The following NAV3 variants were observed in gnomAD, a reference collection of about 807,000 sequenced individuals.
NAV3 encodes the protein pore membrane and/or filament interacting like protein 1.
Under a neutral mutation model 244.7 loss-of-function variants are expected in NAV3, and 87 were observed. That is an observed-to-expected ratio of 0.36 (90% CI 0.30 to 0.42). The LOEUF (loss-of-function observed/expected upper bound fraction) is 0.42, where lower values mean the gene tolerates loss of function less well. Among genes scored for constraint, NAV3 ranks in the 20% least tolerant of loss-of-function variants. The pLI is 1.00. For missense variants in NAV3, 2,663 were observed against 2,893.3 expected, an observed-to-expected ratio of 0.92 and a Z score of 1.83; for synonymous variants, 1,126 against 1,042.2, an observed-to-expected ratio of 1.08 and a Z score of -1.55.
At chr12:77,780,644 C>A (rs1463503337) in intron 2 of NAV3, among the ~76,000 whole-genome samples, 1 of 152,142 alleles carries the variant, frequency 6.6e-6, no homozygotes, top group African/African-American at 2.4e-5. Context: ...GGGTCCCCAA[C>A]CCCCAACAGG....
intron 2 of NAV3, among the ~76,000 whole-genome samples, chr12:77,693,492 A>G (rs1875131739): frequency 6.6e-6 from 1 of 152,040 alleles, no homozygotes; most frequent in Non-Finnish European, 1.5e-5. Context: ...CATGCCAACC[A>G]TGGAATTGCT....
At chr12:77,752,376 C>A (rs556888652) in intron 2 of NAV3, among the ~76,000 whole-genome samples, 30 of 152,238 alleles carry the variant, frequency 2.0e-4, no homozygotes, top group Admixed American at 3.3e-4. Flanking sequence ...CAACTACTAC[C>A]TGAATGTACA....
At position 78,190,187 on chromosome 12, in the gene NAV3, G is replaced by A. The variant is rs1182220907; in HGVS notation, c.6259G>A (p.Ala2087Thr). 1.9e-6 allele frequency: 3 copies of A among 1,612,446 alleles called. No individual in the cohort carries two copies. In the South Asian group the frequency reaches 3.3e-5, roughly 18 times the overall value. Residue 2087 changes from alanine to threonine, a missense_variant, in exon 34 of 40, where the codon GCC becomes ACC. Physicochemically the swap from Ala to Thr is moderately conservative, Grantham distance 58. Coordinates refer to ENST00000397909, the MANE Select transcript of NAV3 (RefSeq NM_001024383.2). ...SGRKKTEDAI[A>T]TFNVDHKSSK... is the part of the protein sequence containing the mutation. ...AAGGAAAAAAACAGAGGATGCAATTGCCACTTTTAATGTGGACCACAAGTC... is the reference window on the plus strand; with the variant it reads ...AAGGAAAAAAACAGAGGATGCAATTACCACTTTTAATGTGGACCACAAGTC...
At chr12:77,616,841 A>G (rs1871161687) in intron 2 of NAV3, among the ~76,000 whole-genome samples, 1 of 152,186 alleles carries the variant, frequency 6.6e-6, no homozygotes, top group African/African-American at 2.4e-5. Flanking sequence ...GATATTCTGC[A>G]GAAAATCTCA....
At chr12:78,050,573 C>T (rs992782369) in intron 10 of NAV3, among the ~76,000 whole-genome samples, 191 bp from the exon 11 acceptor site, 2 of 152,098 alleles carry the variant, frequency 1.3e-5, no homozygotes, top group African/African-American at 4.8e-5. Flanking sequence ...CTTTTGAAAA[C>T]AAACGAAAAG....
At chr12:78,041,910 A>G (rs190049573) in intron 9 of NAV3, among the ~76,000 whole-genome samples, 2 of 152,212 alleles carry the variant, frequency 1.3e-5, no homozygotes, top group Admixed American at 6.5e-5. Context: ...GTAATTTAAT[A>G]CATGCTATTT....
rs182414850 is a variant in NAV3, at chr12:77,929,598, G to A, written c.244-10721G>A. Among the ~76,000 whole-genome samples, 118 of 151,400 alleles carry A rather than the reference G, an allele frequency of 7.8e-4. 3 individuals carry two copies. The South Asian group carries it at 0.021, about 28-fold the overall frequency. On this transcript the variant is annotated intron_variant, in intron 1 of 39. Coordinates refer to ENST00000397909, the MANE Select transcript of NAV3 (RefSeq NM_001024383.2). ...CTGTATCCCTACCTCATCATCTTTC[G>A]CTCAGACTCTTTTTATAACCTTATT...
chr12:78,095,045 T>TTATA (rs368659738), intron 12 of NAV3, among the ~76,000 whole-genome samples: 15,450 of 123,362 alleles, frequency 0.13, 1,079 homozygotes, highest in Non-Finnish European at 0.15. Flanking sequence ...CCATATCAAA[T>TTATA]TATATATATA....
intron 5 of NAV3, among the ~76,000 whole-genome samples, chr12:77,969,077 A>T (rs1355442467): frequency 6.6e-6 from 1 of 151,820 alleles, no homozygotes; most frequent in African/African-American, 2.4e-5. Context: ...TGATTAATTA[A>T]GTCTGTCAGA....
In NAV3 at chr12:77,751,204, G is replaced by C. The variant is rs541519612; in HGVS notation, c.72+178938G>C. Among the ~76,000 whole-genome samples the C allele has an allele frequency of 5.3e-4, 80 of 152,274 alleles. No homozygotes were observed. In the Middle Eastern group the frequency reaches 0.014, roughly 26 times the overall value. On this transcript the variant is annotated intron_variant, in intron 2 of 8. Transcript: ENST00000550042. ...GGATAATAAAAGGCACAAAAAAGTTGACTAATGGGTTATACTCTTATGAGC... is the reference window on the plus strand; with the variant it reads ...GGATAATAAAAGGCACAAAAAAGTTCACTAATGGGTTATACTCTTATGAGC...
At chr12:77,633,020 G>A (rs982092424) in intron 2 of NAV3, among the ~76,000 whole-genome samples, 1 of 151,802 alleles carries the variant, frequency 6.6e-6, no homozygotes, top group African/African-American at 2.4e-5. Flanking sequence ...TTGATTTAGG[G>A]GTTCATATTC....
At chr12:77,984,816 G>T (rs1870187589) in intron 5 of NAV3, among the ~76,000 whole-genome samples, 1 of 151,190 alleles carries the variant, frequency 6.6e-6, no homozygotes, top group South Asian at 2.1e-4. Context: ...AAAATTATAG[G>T]TTTTTTGTTT....
At chr12:78,207,180 A>C in intron 39 of NAV3, among the ~76,000 whole-genome samples, 1 of 152,256 alleles carries the variant, frequency 6.6e-6, no homozygotes, top group African/African-American at 2.4e-5. Context: ...AATATCCACT[A>C]TTTAGTGTCA....
intron 2 of NAV3, among the ~76,000 whole-genome samples, chr12:77,755,516 T>TTTCCTTG (rs1565800228): frequency 4.8e-5 from 1 of 21,020 alleles, no homozygotes; most frequent in African/African-American, 2.1e-4. Context: ...CCTGTGCCTT[T>TTTCCTTG]CCTTTCCTTT....
intron 2 of NAV3, among the ~76,000 whole-genome samples, chr12:77,660,432 T>C (rs983173143): frequency 4.6e-5 from 7 of 152,204 alleles, no homozygotes; most frequent in African/African-American, 1.7e-4. Flanking sequence ...TATGAACCAA[T>C]TGTGTGTCTT....
At chr12:78,077,705 A>C (rs780966214) in intron 12 of NAV3, among the ~76,000 whole-genome samples, 111 of 152,340 alleles carry the variant, frequency 7.3e-4, no homozygotes, top group Middle Eastern at 3.4e-3. Flanking sequence ...TGGGAGACTG[A>C]GGCGGGTAGA....
rs1959192046 is a variant in NAV3 at position 78,197,381 on chromosome 12, C to T, written c.6426C>T (p.Leu2142=). ...TGAGTGATATCTTCAATGGTTTTCTCAATTGTAAATACAACAAATGGTATG... is the reference window on the plus strand; with the variant it reads ...TGAGTGATATCTTCAATGGTTTTCTTAATTGTAAATACAACAAATGGTATG... ...GSLSDIFNGF[L]NCKYNKCPYI... The change falls in exon 35 of 40, where the codon CTC becomes CTT. Residue 2142 remains leucine (L), a synonymous_variant. Coordinates refer to ENST00000397909, the MANE Select transcript of NAV3 (RefSeq NM_001024383.2). The T allele has an allele frequency of 1.3e-6, 2 of 1,597,694 alleles. No individual in the cohort carries two copies. Among genetic ancestry groups the T allele is most frequent in the Non-Finnish European group, 1.7e-6 (2 of 1,171,374 alleles).
chr12:77,932,395 G>C (rs1888901097), intron 1 of NAV3, among the ~76,000 whole-genome samples: 1 of 152,112 alleles, frequency 6.6e-6, no homozygotes, highest in East Asian at 1.9e-4. Context: ...GGGAAAATCT[G>C]TTTGCATTAC....
intron 2 of NAV3, among the ~76,000 whole-genome samples, chr12:77,715,185 G>A (rs1365202046): frequency 5.3e-5 from 8 of 151,900 alleles, no homozygotes; most frequent in African/African-American, 1.9e-4. Context: ...GAAATATTTA[G>A]TAGAAAGCAT....
Sources: gnomAD v4.1 joint callset for allele counts (sites outside exome capture counted in the v4.1 genomes callset) on GRCh38, gnomAD v4.1.1 for gene constraint, MANE v1.5 for transcripts, NCBI Gene and HGNC (gene_info 2026-07-23, HGNC 2026-07-21) for gene names.